SYT17: variants seen among roughly 807,000 people sequenced by gnomAD.
SYT17 encodes synaptotagmin 17.
SYT17 carries 22 observed loss-of-function variants against 46.7 expected under a neutral mutation model. The observed-to-expected ratio is 0.47, with a 90% CI of 0.34 to 0.67. The LOEUF (loss-of-function observed/expected upper bound fraction) is 0.67, where lower values mean the gene tolerates loss of function less well. Among genes scored for constraint, SYT17 ranks in the 30% least tolerant of loss-of-function variants. SYT17 has a pLI of 0.01. For missense variants in SYT17, 519 were observed against 612.8 expected, an observed-to-expected ratio of 0.85 and a Z score of 1.62; for synonymous variants, 251 against 248.4, an observed-to-expected ratio of 1.01 and a Z score of -0.10.
At chr16:19,213,663 C>CT (rs1236239018) in intron 5 of SYT17, among the ~76,000 whole-genome samples, 2 of 152,134 alleles carry the variant, frequency 1.3e-5, no homozygotes, top group African/African-American at 4.8e-5. Context: ...ATGCATGCCA[C>CT]CATGCTAAGC....
rs1964642277 is a variant in SYT17 at position 19,183,582 on chromosome 16, T to G, written c.386T>G (p.Phe129Cys). 1.2e-6 allele frequency: 2 copies of G among 1,614,092 alleles called. No individual in the cohort carries two copies. The highest frequency in any genetic ancestry group is 2.7e-5 in the African/African-American group (2 of 74,930). Residue 129 changes from phenylalanine to cysteine, a missense_variant, in exon 5 of 8, where the codon TTT becomes TGT. By Grantham distance (205) the Phe-to-Cys change is radical. Coordinates refer to ENST00000355377, the MANE Select transcript of SYT17 (RefSeq NM_016524.4). The surrounding 1 kb of genome is among the most constrained non-coding windows in gnomAD (Gnocchi z 5.6). ...CTCATCGATATTAAACCCATCGAGT[T>G]TGGCGTTCTCAGCGCCAAGAAGGAG... ...SPLIDIKPIE[F>C]GVLSAKKEPI... is the part of the protein sequence containing the mutation.
At chr16:19,221,186 CAA>C (rs575577083) in intron 5 of SYT17, among the ~76,000 whole-genome samples, 1,094 of 62,864 alleles carry the variant, frequency 0.017, 16 homozygotes, top group African/African-American at 0.05. Context: ...GACCTTGTCT[CAA>C]AAAAAAAAAA....
intron 5 of SYT17, among the ~76,000 whole-genome samples, chr16:19,204,038 C>A (rs1333496587): frequency 6.6e-6 from 1 of 152,138 alleles, no homozygotes; most frequent in Non-Finnish European, 1.5e-5. Context: ...ATAGGGGAGG[C>A]CCTGGTCAGA....
intron 1 of SYT17, 49 bp from the exon 2 acceptor site, chr16:19,172,711 C>T (rs201902871): frequency 2.4e-5 from 39 of 1,610,726 alleles, no homozygotes; most frequent in Non-Finnish European, 3.0e-5. Context: ...TTCTTTAACC[C>T]CTTCGTTCCC....
Position 19,180,378 on chromosome 16 carries a change from T to C in SYT17, c.183-13T>C. The C allele has an allele frequency of 6.2e-7, 1 of 1,613,966 alleles. No homozygotes were observed. Among genetic ancestry groups the C allele is most frequent in the African/African-American group, 1.3e-5 (1 of 75,034 alleles). On this transcript the variant is annotated splice_polypyrimidine_tract_variant and intron_variant, in intron 3 of 7. Coordinates refer to ENST00000355377, the MANE Select transcript of SYT17 (RefSeq NM_016524.4). ...TTCCTGGACAGCTACTGAGACCTCT[T>C]CCCTTCCTATAGGATGGCCAGCCGG...
rs546574998 is a variant in SYT17, at chr16:19,247,429, T to C, written c.1229-19451T>C. Among the ~76,000 whole-genome samples, 8 of 152,338 alleles carry C rather than the reference T, an allele frequency of 5.3e-5. No homozygotes were observed. In the South Asian group the frequency reaches 1.4e-3, roughly 28 times the overall value. The stretch of plus-strand genomic sequence containing the variant: ...CAATTTTGATAGATATCGTCAAATT[T>C]GCAATTTTTAAAAAAATGACACATC... On this transcript the variant is annotated intron_variant, in intron 7 of 7. Coordinates refer to ENST00000355377, the MANE Select transcript of SYT17 (RefSeq NM_016524.4).
At chr16:19,250,217 G>A in intron 7 of SYT17, 3 of 851,248 alleles carry the variant, frequency 3.5e-6, no homozygotes, top group Non-Finnish European at 5.0e-6. Context: ...ACATTTTGCT[G>A]TTTGCTTTAT....
At chr16:19,170,651 G>A (rs1964045663) in intron 1 of SYT17, 2 of 152,100 alleles carry the variant, frequency 1.3e-5, no homozygotes, top group South Asian at 4.2e-4. Context: ...AGGGCCATGA[G>A]GTGACCTTGT....
chr16:19,198,523 T>C (rs1369392098), intron 5 of SYT17, among the ~76,000 whole-genome samples: 2 of 152,224 alleles, frequency 1.3e-5, no homozygotes, highest in African/African-American at 4.8e-5. Context: ...CTAAGGGCTT[T>C]CATTTCCACC....
intron 5 of SYT17, among the ~76,000 whole-genome samples, chr16:19,209,627 T>C (rs1965814212): frequency 6.6e-6 from 1 of 151,970 alleles, no homozygotes; most frequent in Admixed American, 6.6e-5. Context: ...TCCCAGCACT[T>C]TGGGAGACCG....
At chr16:19,191,014 G>T (rs1011190347) in intron 5 of SYT17, among the ~76,000 whole-genome samples, 17 of 151,990 alleles carry the variant, frequency 1.1e-4, no homozygotes, top group African/African-American at 4.1e-4. Context: ...TTGAGTTCAT[G>T]TGGTTTGGGG....
chr16:19,182,790 G>A (rs1212279468), intron 4 of SYT17, among the ~76,000 whole-genome samples: 2 of 152,256 alleles, frequency 1.3e-5, no homozygotes, highest in Admixed American at 1.3e-4. Context: ...CCCGTAAGCG[G>A]TGAGGTTTGA....
Position 19,168,367 on chromosome 16 carries a change from C to G in SYT17, c.-280C>G. On this transcript the variant is annotated 5_prime_UTR_variant, in exon 1 of 8. Coordinates refer to ENST00000355377, the MANE Select transcript of SYT17 (RefSeq NM_016524.4). The surrounding 1 kb of genome is among the most constrained non-coding windows in gnomAD (Gnocchi z 6.9). ...CTGGGGAGCGCCTCGGTGGGGAGCA[C>G]GGGACAGCGAGGGAGGCCGAGGCGG... 1 of 522,744 alleles carries G rather than the reference C, an allele frequency of 1.9e-6. No individual in the cohort carries two copies. The highest frequency in any genetic ancestry group is 3.4e-6 in the Non-Finnish European group (1 of 297,650). The allele number at this position is 522,744 out of a possible 1,614,324, so 32.4% of individuals were successfully genotyped here. A position where few individuals can be genotyped will look rare whatever the true frequency, so the allele number is the denominator to read the frequency against.
chr16:19,236,587 A>G (rs1024881233), intron 7 of SYT17, among the ~76,000 whole-genome samples: 4 of 152,178 alleles, frequency 2.6e-5, no homozygotes, highest in African/African-American at 7.2e-5. Context: ...ACTAGAACTC[A>G]GGAAAGTGCT....
chr16:19,180,519 G>A lies in SYT17; in HGVS notation c.311G>A (p.Ser104Asn). 6.2e-7 allele frequency: 1 copy of A among 1,614,154 alleles called. No homozygotes were observed. ...TCAGACACATCCAAGTCTACATACAGCCTGACGCGGAGGATTTCGAGTAAG... is the reference window on the plus strand; with the variant it reads ...TCAGACACATCCAAGTCTACATACAACCTGACGCGGAGGATTTCGAGTAAG... ...SSSDTSKSTY[S>N]LTRRISSLES... Residue 104 changes from serine (S) to asparagine (N), a missense_variant, in exon 4 of 8, where the codon AGC (serine) becomes AAC (asparagine). Transcript: ENST00000355377.
intron 7 of SYT17, among the ~76,000 whole-genome samples, chr16:19,226,375 G>T (rs1373840757): frequency 6.6e-6 from 1 of 152,088 alleles, no homozygotes; most frequent in Non-Finnish European, 1.5e-5. Flanking sequence ...CTGGGCTCCA[G>T]GTCTCCCAAG....
intron 5 of SYT17, among the ~76,000 whole-genome samples, chr16:19,195,867 C>T (rs573156788): frequency 4.6e-5 from 7 of 152,172 alleles, no homozygotes; most frequent in South Asian, 4.2e-4. Context: ...CATCCACATT[C>T]GCAGCAACTC....
chr16:19,186,923 A>G (rs183582028), intron 5 of SYT17, among the ~76,000 whole-genome samples: 138 of 152,362 alleles, frequency 9.1e-4, no homozygotes, highest in African/African-American at 3.0e-3. Context: ...GCAGCAGGAA[A>G]CTTCCAGTCT....
chr16:19,173,724 C>T (rs1964201960), intron 3 of SYT17, 146 bp downstream of exon 3: 11 of 891,436 alleles, frequency 1.2e-5, no homozygotes, highest in Non-Finnish European at 1.9e-5. Context: ...GACAACTTTG[C>T]TGCAGACTGG....
Sources: gnomAD v4.1 joint callset for allele counts (sites outside exome capture counted in the v4.1 genomes callset) on GRCh38, gnomAD v4.1.1 for gene constraint, Gnocchi (gnomAD v3.1) non-coding constraint, MANE v1.5 for transcripts, NCBI Gene and HGNC (gene_info 2026-07-23, HGNC 2026-07-21) for gene names.